PPM1K: variants seen among roughly 807,000 people sequenced by gnomAD.
The protein encoded by PPM1K is protein phosphatase, Mg2+/Mn2+ dependent 1K.
PPM1K carries 19 observed loss-of-function variants against 32.6 expected under a neutral mutation model. The observed-to-expected ratio is 0.58, with a 90% CI of 0.41 to 0.86. PPM1K has a LOEUF of 0.86. Among genes scored for constraint, PPM1K ranks in the 40% least tolerant of loss-of-function variants. The pLI is 0.00. For missense variants in PPM1K, 362 were observed against 461.2 expected, an observed-to-expected ratio of 0.78 and a Z score of 1.97; for synonymous variants, 159 against 165.3, an observed-to-expected ratio of 0.96 and a Z score of 0.29.
intron 3 of PPM1K, chr4:88,275,604 T>C (rs548836987): frequency 1.0e-6 from 1 of 985,366 alleles, no homozygotes; most frequent in Non-Finnish European, 1.2e-6. Context: ...AATTTGGACA[T>C]TCTCATCCAA....
rs778195685 is a variant in PPM1K at position 88,278,020 on chromosome 4, G to A, written c.440+124C>T. On this transcript the variant is annotated intron_variant, in intron 2 of 6. Transcript: ENST00000608933. This position sits in a 1 kb window ranked among gnomAD's most constrained non-coding sequence, Gnocchi z 4.2. ...GGCACACTTAAACTACTGCTCATTC[G>A]TGAAGCAGCAGCATGCAACCACTCA... 7.3e-4 allele frequency: 528 copies of A among 726,994 alleles called. 1 individual carries two copies. The highest frequency in any genetic ancestry group is 1.6e-3 in the Middle Eastern group (4 of 2,564). 45.0% of individuals were successfully genotyped at this position (726,994 alleles called of 1,614,324 possible).
At position 88,278,197 on chromosome 4, in the gene PPM1K, G is replaced by A. The variant is rs555413706; in HGVS notation, c.387C>T (p.His129=). ...AGAAATCAGCTGCTGCAGGTCCACC[G>A]TGTCCATCATACACTGCAAAGTACA... ...EVLYFAVYDG[H]GGPAAADFCH... Residue 129 remains histidine, a synonymous_variant, in exon 2 of 7, where the codon CAC becomes CAT. Coordinates refer to ENST00000608933, the MANE Select transcript of PPM1K (RefSeq NM_152542.5). The surrounding 1 kb of genome is among the most constrained non-coding windows in gnomAD (Gnocchi z 4.2). 58 of 1,614,022 alleles carry A rather than the reference G, an allele frequency of 3.6e-5. No homozygotes were observed. The highest frequency in any genetic ancestry group is 3.5e-4 in the South Asian group (32 of 91,080).
chr4:88,274,705 A>G (rs1396970257), intron 3 of PPM1K, among the ~76,000 whole-genome samples: 2 of 152,176 alleles, frequency 1.3e-5, no homozygotes. Context: ...AACTTAAATA[A>G]TAACTTTGAA....
In PPM1K at chr4:88,277,250, G is replaced by C. The variant is rs1731812460; in HGVS notation, c.441-7C>G. 1 of 1,596,274 alleles carries C rather than the reference G, an allele frequency of 6.3e-7. No individual in the cohort carries two copies. Among genetic ancestry groups the C allele is most frequent in the Admixed American group, 1.7e-5 (1 of 59,630 alleles). On this transcript the variant is annotated splice_region_variant and splice_polypyrimidine_tract_variant and intron_variant, in intron 2 of 6. Coordinates refer to ENST00000608933, the MANE Select transcript of PPM1K (RefSeq NM_152542.5). Reference sequence around the variant, plus strand: ...CTCCTTAGGAAGCAAATCCCTTTGTGGGGAGGAAAAAAAGAGCCTTAAACA... The same window carrying C: ...CTCCTTAGGAAGCAAATCCCTTTGTCGGGAGGAAAAAAAGAGCCTTAAACA...
At position 88,265,144 on chromosome 4, in the gene PPM1K, A is replaced by C. The variant is rs1321080096; in HGVS notation, c.853-9T>G. 6.2e-7 allele frequency: 1 copy of C among 1,614,166 alleles called. No homozygotes were observed. Among genetic ancestry groups the C allele is most frequent in the Admixed American group, 1.7e-5 (1 of 60,020 alleles). On this transcript the variant is annotated splice_polypyrimidine_tract_variant and intron_variant, in intron 5 of 6. Transcript: ENST00000608933. ...TCATCAGCATGATGTAACTGCAATC[A>C]GAACCAAATGCCTATGATTATAAGC...
intron 3 of PPM1K, chr4:88,275,161 AT>A: frequency 1.8e-6 from 1 of 546,216 alleles, no homozygotes; most frequent in Non-Finnish European, 2.3e-6. Context: ...TAAATAATGC[AT>A]TTTAATTTCT....
rs1386544031 is a variant in PPM1K at position 88,260,582 on chromosome 4, C to T, written c.*2013G>A. ...TGATGTTTTTCCTTCTTTCACCTAACTTCCCTTGAAAAAAAAAATCAAAAT... is the reference window on the plus strand; with the variant it reads ...TGATGTTTTTCCTTCTTTCACCTAATTTCCCTTGAAAAAAAAAATCAAAAT... On this transcript the variant is annotated 3_prime_UTR_variant, in exon 7 of 7. Coordinates refer to ENST00000608933, the MANE Select transcript of PPM1K (RefSeq NM_152542.5). 6.6e-6 allele frequency: 1 copy of T among 151,302 alleles called. No individual in the cohort carries two copies. The allele number at this position is 151,302 out of a possible 1,614,324, so 9.4% of individuals were successfully genotyped here.
chr4:88,278,803 A>T lies in PPM1K; in HGVS notation c.-59-161T>A. 2 of 532,616 alleles carry T rather than the reference A, an allele frequency of 3.8e-6. No homozygotes were observed. Among genetic ancestry groups the T allele is most frequent in the Non-Finnish European group, 6.6e-6 (2 of 301,474 alleles). 33.0% of individuals were successfully genotyped at this position (532,616 alleles called of 1,614,324 possible). A position where few individuals can be genotyped will look rare whatever the true frequency, so the allele number is the denominator to read the frequency against. Reference sequence around the variant, plus strand: ...AAGCTCATAAAGGATTTGACAGAAAATACATATATTTATGTTATATATTGG... The same window carrying T: ...AAGCTCATAAAGGATTTGACAGAAATTACATATATTTATGTTATATATTGG... On this transcript the variant is annotated intron_variant, in intron 1 of 6. Transcript: ENST00000608933. The surrounding 1 kb of genome is among the most constrained non-coding windows in gnomAD (Gnocchi z 4.2).
At chr4:88,283,948 T>C (rs1036392463) in intron 1 of PPM1K, 9 of 152,278 alleles carry the variant, frequency 5.9e-5, no homozygotes, top group Non-Finnish European at 1.2e-4. Context: ...CCTCTGGGCG[T>C]ACCGAGCCCG....
In PPM1K at chr4:88,261,856, C is replaced by T. The variant is rs1470968334; in HGVS notation, c.*739G>A. On this transcript the variant is annotated 3_prime_UTR_variant, in exon 7 of 7. Transcript: ENST00000608933. ...GGGATTACAGGTGTCTGCCACCACGCCCAGCCAATTTTTTTTTTTTTTTTT... is the reference window on the plus strand; with the variant it reads ...GGGATTACAGGTGTCTGCCACCACGTCCAGCCAATTTTTTTTTTTTTTTTT... 6.8e-6 allele frequency: 1 copy of T among 146,988 alleles called. No homozygotes were observed. The highest frequency in any genetic ancestry group is 1.5e-5 in the Non-Finnish European group (1 of 67,320). 9.1% of individuals were successfully genotyped at this position (146,988 alleles called of 1,614,324 possible).
Position 88,278,459 on chromosome 4 carries a change from G to C in PPM1K, c.125C>G (p.Thr42Ser). Reference sequence around the variant, plus strand: ...AAACCGAGAACACCTAGGCTCTGAAGTGGAGCTGTGGCACGTGGGTGTCAC... The same window carrying C: ...AAACCGAGAACACCTAGGCTCTGAACTGGAGCTGTGGCACGTGGGTGTCAC... ...RRVTPTCHSS[T>S]SEPRCSRFDP... The change falls in exon 2 of 7, where the codon ACT becomes AGT. Residue 42 changes from threonine (T) to serine (S), a missense_variant. Transcript: ENST00000608933. This position sits in a 1 kb window ranked among gnomAD's most constrained non-coding sequence, Gnocchi z 4.2. 1 of 1,614,188 alleles carries C rather than the reference G, an allele frequency of 6.2e-7. No individual in the cohort carries two copies. The highest frequency in any genetic ancestry group is 8.5e-7 in the Non-Finnish European group (1 of 1,180,046).
intron 1 of PPM1K, among the ~76,000 whole-genome samples, chr4:88,280,420 A>G (rs2110174052): frequency 6.6e-6 from 1 of 152,262 alleles, no homozygotes. Context: ...GTAAGACAAC[A>G]TTGTTGGGGG....
rs200109428 is a variant in PPM1K at position 88,262,572 on chromosome 4, A to C, written c.*23T>G. 1.3e-4 allele frequency: 211 copies of C among 1,611,110 alleles called. No homozygotes were observed. Among genetic ancestry groups the C allele is most frequent in the Non-Finnish European group, 1.6e-4 (191 of 1,178,824 alleles). ...TGCTCAGTGAAAAACTGTTGCACAGAAACTCTAAGTCCCAGCTGGTAATCA... is the reference window on the plus strand; with the variant it reads ...TGCTCAGTGAAAAACTGTTGCACAGCAACTCTAAGTCCCAGCTGGTAATCA... On this transcript the variant is annotated 3_prime_UTR_variant, in exon 7 of 7. Transcript: ENST00000608933.
In PPM1K at chr4:88,277,347, A is replaced by G. The variant is rs1041405194; in HGVS notation, c.441-104T>C. ...GTCATTCCACACAACGGGCCTCAGG[A>G]TTTTCCTGTCAAATGCTGAAGACCT... On this transcript the variant is annotated intron_variant, in intron 2 of 6. Coordinates refer to ENST00000608933, the MANE Select transcript of PPM1K (RefSeq NM_152542.5). The G allele has an allele frequency of 1.6e-5, 12 of 746,792 alleles. No individual in the cohort carries two copies. The Middle Eastern group carries it at 1.1e-3, about 68-fold the overall frequency. The allele number at this position is 746,792 out of a possible 1,614,324, so 46.3% of individuals were successfully genotyped here.
intron 2 of PPM1K, 77 bp from the exon 3 acceptor site, chr4:88,277,320 C>T: frequency 2.1e-6 from 2 of 968,872 alleles, no homozygotes; most frequent in Non-Finnish European, 1.6e-6. Flanking sequence ...CTCTAGCTAG[C>T]AGTCATTCCA....
At chr4:88,282,934 T>C (rs559539712) in intron 1 of PPM1K, among the ~76,000 whole-genome samples, 1 of 152,222 alleles carries the variant, frequency 6.6e-6, no homozygotes, top group Non-Finnish European at 1.5e-5. Context: ...TCTCTAAGGA[T>C]TGCAGTCAAG....
At position 88,263,257 on chromosome 4, in the gene PPM1K, A is replaced by G. The variant is rs550232938; in HGVS notation, c.988-531T>C. Among the ~76,000 whole-genome samples, 143 of 152,362 alleles carry G rather than the reference A, an allele frequency of 9.4e-4. 1 individual carries two copies. The highest frequency in any genetic ancestry group is 3.0e-3 in the African/African-American group (125 of 41,590). On this transcript the variant is annotated intron_variant, in intron 6 of 6. Transcript: ENST00000608933. ...CTAACTCCACCAACAAAGAAAAAAGATAAAAATTTCTACACTAAAATTTGA... is the reference window on the plus strand; with the variant it reads ...CTAACTCCACCAACAAAGAAAAAAGGTAAAAATTTCTACACTAAAATTTGA...
intron 3 of PPM1K, among the ~76,000 whole-genome samples, chr4:88,274,328 A>T (rs181406075): frequency 1.3e-5 from 2 of 152,358 alleles, no homozygotes; most frequent in East Asian, 3.9e-4. Flanking sequence ...TAATTTGATT[A>T]AATCAGCTAT....
intron 1 of PPM1K, among the ~76,000 whole-genome samples, chr4:88,283,204 A>G (rs1178799297): frequency 6.6e-6 from 1 of 152,006 alleles, no homozygotes; most frequent in Non-Finnish European, 1.5e-5. Context: ...AGCCTCGACC[A>G]CTCAGGATCA....
Sources: gnomAD v4.1 joint callset for allele counts (sites outside exome capture counted in the v4.1 genomes callset) on GRCh38, gnomAD v4.1.1 for gene constraint, Gnocchi (gnomAD v3.1) non-coding constraint, MANE v1.5 for transcripts, NCBI Gene and HGNC (gene_info 2026-07-23, HGNC 2026-07-21) for gene names.